The following RAB23 variants were observed in gnomAD, a reference collection of about 807,000 sequenced individuals.
The protein encoded by RAB23 is ras-related protein Rab-23.
A neutral mutation model predicts 30.0 loss-of-function variants in RAB23; 15 were observed. The observed-to-expected ratio is 0.50, with a 90% CI of 0.33 to 0.77. RAB23 has a LOEUF of 0.77. RAB23 is among the 30% of genes least tolerant of loss of function. The pLI, the probability that RAB23 is intolerant of heterozygous loss-of-function variation, is 0.02. For missense variants in RAB23, 243 were observed against 275.4 expected (o/e 0.88, Z 0.83); for synonymous variants, 93 against 94.0 (o/e 0.99, Z 0.06).
chr6:57,199,892 T>C (rs1297517293), intron 3 of RAB23, among the ~76,000 whole-genome samples: 1 of 152,236 alleles, frequency 6.6e-6, no homozygotes. Flanking sequence ...CCTAACTGAA[T>C]ATCATCTTCC....
At position 57,188,824 on chromosome 6, in the gene RAB23, AAG is replaced by A. The variant is rs1238524453; in HGVS notation, c.*1635_*1636del. ...TTTTATTTTTCCATCTAAAATGGCA[AAG>A]AGAACATTTACTTTTGATCACTTAA... On this transcript the variant is annotated 3_prime_UTR_variant, in exon 7 of 7. Transcript: ENST00000468148. 6 of 152,214 alleles carry A rather than the reference AAG, an allele frequency of 3.9e-5. No homozygotes were observed. Among genetic ancestry groups the A allele is most frequent in the Non-Finnish European group, 7.3e-5 (5 of 68,028 alleles). 9.4% of individuals were successfully genotyped at this position (152,214 alleles called of 1,614,324 possible).
At chr6:57,209,759 C>T (rs1374568001) in intron 2 of RAB23, among the ~76,000 whole-genome samples, 1 of 152,090 alleles carries the variant, frequency 6.6e-6, no homozygotes, top group Non-Finnish European at 1.5e-5. Context: ...AAATTTTGTC[C>T]TCCCAAATCT....
Position 57,188,505 on chromosome 6 carries a change from C to CAAGT in RAB23, c.*1952_*1955dup, listed in dbSNP as rs765130016. 1.3e-5 allele frequency: 2 copies of CAAGT among 151,992 alleles called. No individual in the cohort carries two copies. The highest frequency in any genetic ancestry group is 2.9e-5 in the Non-Finnish European group (2 of 68,000). The allele number at this position is 151,992 out of a possible 1,614,324, so 9.4% of individuals were successfully genotyped here. On this transcript the variant is annotated 3_prime_UTR_variant, in exon 7 of 7. Coordinates refer to ENST00000468148, the MANE Select transcript of RAB23 (RefSeq NM_016277.5). ...AAAGAACTAACTAGAACACATATAA[C>CAAGT]AAGTGATTTTTCTGCCAATAAAGAC...
intron 1 of RAB23, among the ~76,000 whole-genome samples, chr6:57,214,859 T>C (rs1765779406): frequency 6.6e-6 from 1 of 152,052 alleles, no homozygotes; most frequent in African/African-American, 2.4e-5. Flanking sequence ...AGCAATGAGA[T>C]GACAGACATT....
intron 4 of RAB23, among the ~76,000 whole-genome samples, chr6:57,195,511 T>G (rs1764988739): frequency 6.6e-6 from 1 of 152,194 alleles, no homozygotes; most frequent in South Asian, 2.1e-4. Context: ...CACACTGTAA[T>G]CAAGGTTGGT....
intron 1 of RAB23, among the ~76,000 whole-genome samples, chr6:57,218,574 G>C (rs777825040): frequency 6.6e-6 from 1 of 152,134 alleles, no homozygotes; most frequent in Non-Finnish European, 1.5e-5. Context: ...TCTATAGGCC[G>C]AGCACAGTGG....
intron 3 of RAB23, among the ~76,000 whole-genome samples, chr6:57,197,418 T>C (rs1224792099): frequency 6.6e-6 from 1 of 152,136 alleles, no homozygotes; most frequent in Non-Finnish European, 1.5e-5. Flanking sequence ...TTGATTCAGG[T>C]AGCATGGTGA....
intron 1 of RAB23, among the ~76,000 whole-genome samples, chr6:57,217,571 G>A (rs1765897684): frequency 6.6e-6 from 1 of 152,228 alleles, no homozygotes; most frequent in African/African-American, 2.4e-5. Flanking sequence ...GCCTCCCAAA[G>A]TGCTGGGACT....
In RAB23 at chr6:57,210,222, T is replaced by C. The variant is rs1357715035; in HGVS notation, c.155+4A>G. ...CCAAAGGAATAAAATGGCCAAGTAC[T>C]TACTGAATTTGTCGCTCCAAAAAAT... is the stretch of plus-strand genomic sequence containing the variant. On this transcript the variant is annotated splice_donor_region_variant and intron_variant, in intron 2 of 6. Transcript: ENST00000468148. 8 of 1,613,250 alleles carry C rather than the reference T, an allele frequency of 5.0e-6. No homozygotes were observed. Among genetic ancestry groups the C allele is most frequent in the Non-Finnish European group, 6.8e-6 (8 of 1,179,338 alleles).
Position 57,216,310 on chromosome 6 carries a change from G to GT in RAB23, c.-66+5415dup, listed in dbSNP as rs201782705. Among the ~76,000 whole-genome samples, 513 of 152,240 alleles carry GT rather than the reference G, an allele frequency of 3.4e-3. 12 individuals carry two copies. The highest frequency in any genetic ancestry group is 0.029 in the East Asian group (153 of 5,188). On this transcript the variant is annotated intron_variant, in intron 1 of 6. Coordinates refer to ENST00000468148, the MANE Select transcript of RAB23 (RefSeq NM_016277.5). ...AGCAATGCATGACTATATATATAAT[G>GT]TAATACCAAGAACAACCACTAAAAC...
intron 3 of RAB23, among the ~76,000 whole-genome samples, chr6:57,200,299 G>A (rs1765198829): frequency 6.6e-6 from 1 of 151,740 alleles, no homozygotes; most frequent in African/African-American, 2.4e-5. Context: ...AGCACTTTGG[G>A]AGGCTGAGGT....
chr6:57,211,581 A>C (rs957132546), intron 1 of RAB23, among the ~76,000 whole-genome samples: 1 of 152,240 alleles, frequency 6.6e-6, no homozygotes, highest in Non-Finnish European at 1.5e-5. Flanking sequence ...AATGTCCCTA[A>C]AAAAGCACCC....
Position 57,210,395 on chromosome 6 carries a change from T to C in RAB23, c.-15A>G. 2.5e-6 allele frequency: 4 copies of C among 1,613,384 alleles called. No homozygotes were observed. The highest frequency in any genetic ancestry group is 3.4e-6 in the Non-Finnish European group (4 of 1,179,484). On this transcript the variant is annotated 5_prime_UTR_variant, in exon 2 of 7. Transcript: ENST00000468148. ...TCCTCCAACATTTTTGGAGCTGAAA[T>C]GGTTTCTGTACCAACTCTAATTCTA...
intron 1 of RAB23, 104 bp downstream of exon 1, chr6:57,221,622 G>A (rs1766063424): frequency 6.6e-6 from 1 of 152,450 alleles, no homozygotes; most frequent in Non-Finnish European, 1.5e-5. Flanking sequence ...CCCCAGTCGG[G>A]ACTTGGGGCA....
At chr6:57,209,678 CA>C (rs1009045719) in intron 2 of RAB23, among the ~76,000 whole-genome samples, 4 of 152,136 alleles carry the variant, frequency 2.6e-5, no homozygotes, top group African/African-American at 9.7e-5. Context: ...GGACTAATGA[CA>C]AAAAATATTA....
rs1765025133 is a variant in RAB23 at position 57,196,454 on chromosome 6, T to C, written c.394A>G (p.Lys132Glu). 1 of 1,614,016 alleles carries C rather than the reference T, an allele frequency of 6.2e-7. No homozygotes were observed. The highest frequency in any genetic ancestry group is 1.3e-5 in the African/African-American group (1 of 75,054). The change falls in exon 4 of 7, where the codon AAG (lysine) becomes GAG (glutamate). Residue 132 changes from lysine (K) to glutamate (E), a missense_variant. Transcript: ENST00000468148. The part of the protein sequence containing the change: ...KIDLLDDSCI[K>E]NEEAEALAKR... The stretch of plus-strand genomic sequence containing the variant: ...CCCCAAAAGTAGCCATCTTACTTCT[T>C]TATACAAGAATCATCCAGAAGATCA...
intron 1 of RAB23, among the ~76,000 whole-genome samples, chr6:57,217,420 T>G (rs1196483249): frequency 6.6e-6 from 1 of 152,132 alleles, no homozygotes; most frequent in East Asian, 1.9e-4. Flanking sequence ...CAAACAATCC[T>G]GCCTCAGCCT....
intron 1 of RAB23, among the ~76,000 whole-genome samples, 155 bp from the exon 2 acceptor site, chr6:57,210,600 G>T (rs941673475): frequency 6.6e-6 from 1 of 152,170 alleles, no homozygotes; most frequent in African/African-American, 2.4e-5. Context: ...TCTTTGAAAG[G>T]TACAGCAATA....
intron 6 of RAB23, among the ~76,000 whole-genome samples, chr6:57,192,049 G>T (rs1439295476): frequency 2.0e-5 from 3 of 151,600 alleles, no homozygotes; most frequent in Non-Finnish European, 4.4e-5. Flanking sequence ...TTGCTATGTT[G>T]TCTAAGTTGG....
Sources: allele counts gnomAD v4.1 joint callset (sites outside exome capture counted in the v4.1 genomes callset), GRCh38; gene constraint gnomAD v4.1.1; transcripts MANE v1.5; gene names NCBI Gene and HGNC (gene_info 2026-07-23, HGNC 2026-07-21).